The following IFT81 variants were observed in gnomAD, a reference collection of about 807,000 sequenced individuals.
IFT81 encodes the protein intraflagellar transport protein 81 homolog.
A neutral mutation model predicts 102.6 loss-of-function variants in IFT81; 72 were observed. The ratio of observed to expected loss-of-function variants is 0.70; its 90% CI spans 0.58 to 0.85. The LOEUF is 0.85. IFT81 is among the 40% of genes least tolerant of loss of function. IFT81 has a pLI of 0.00. For synonymous variants in IFT81, 237 were observed against 242.7 expected (o/e 0.98, Z 0.22); for missense variants, 723 against 787.3 (o/e 0.92, Z 0.98).
intron 9 of IFT81, among the ~76,000 whole-genome samples, chr12:110,144,628 A>G (rs1326439272): frequency 6.6e-6 from 1 of 151,956 alleles, no homozygotes; most frequent in Non-Finnish European, 1.5e-5. Flanking sequence ...CTCCTGCCTC[A>G]GCCTCCCAAG....
intron 5 of IFT81, 34 bp downstream of exon 5, chr12:110,132,670 G>T (rs1593278319): frequency 1.7e-6 from 2 of 1,145,018 alleles, no homozygotes; most frequent in South Asian, 1.3e-5. Flanking sequence ...CAATTTTTTT[G>T]GGATTTGAAT....
intron 8 of IFT81, among the ~76,000 whole-genome samples, chr12:110,139,866 T>TAAATAAAATAAAATAAAAAATAAAATAAA (rs1477964163): frequency 7.7e-6 from 1 of 130,092 alleles, no homozygotes; most frequent in African/African-American, 3.1e-5. Context: ...TAAAATAAAA[T>TAAATAAAATAAAATAAAAAATAAAATAAA]ATAAAATAAA....
At chr12:110,176,099 A>G (rs562790515) in intron 11 of IFT81, among the ~76,000 whole-genome samples, 1 of 151,882 alleles carries the variant, frequency 6.6e-6, no homozygotes, top group East Asian at 1.9e-4. Context: ...CTGCTAGCCT[A>G]TGTCTCTGTG....
chr12:110,179,773 T>TATATATATACACACAC (rs774113734), intron 11 of IFT81, among the ~76,000 whole-genome samples: 1 of 50,484 alleles, frequency 2.0e-5, no homozygotes, highest in Non-Finnish European at 4.1e-5. Context: ...TATATATATA[T>TATATATATACACACAC]ACACACACAC....
At chr12:110,177,085 GTACATTAGTATGACTTAAATTTT>G (rs1897065211) in intron 11 of IFT81, among the ~76,000 whole-genome samples, 1 of 152,162 alleles carries the variant, frequency 6.6e-6, no homozygotes, top group Non-Finnish European at 1.5e-5. Context: ...TAGACTTCAG[GTACATTAGTATGACTTAAATTTT>G]TAATTTTTAA....
intron 15 of IFT81, chr12:110,205,096 T>G: frequency 6.4e-6 from 1 of 156,618 alleles, no homozygotes; most frequent in Non-Finnish European, 1.4e-5. Context: ...TAGCCAGGCG[T>G]GGTGGCACGT....
At chr12:110,209,820 G>A (rs1869180906) in intron 18 of IFT81, among the ~76,000 whole-genome samples, 2 of 150,920 alleles carry the variant, frequency 1.3e-5, no homozygotes, top group Admixed American at 1.3e-4. Context: ...TGAGATAGGT[G>A]TAAATTTATT....
In IFT81 at chr12:110,205,489, A is replaced by G. The variant is rs775172047; in HGVS notation, c.1691A>G (p.Tyr564Cys). The G allele has an allele frequency of 2.5e-6, 4 of 1,604,090 alleles. No individual in the cohort carries two copies. Among genetic ancestry groups the G allele is most frequent in the South Asian group, 1.1e-5 (1 of 88,614 alleles). ...GAATGTCTTCAAGAAGAAAGTAGAT[A>G]CCATTATACAAATTGTATGATTAAG... ...REECLQEESR[Y>C]HYTNCMIKNL... is the part of the protein sequence containing the mutation. Residue 564 changes from tyrosine to cysteine, a missense_variant, in exon 16 of 19, where the codon TAC (tyrosine) becomes TGC (cysteine). Coordinates refer to ENST00000242591, the MANE Select transcript of IFT81 (RefSeq NM_014055.4).
chr12:110,173,336 A>G (rs1813351895), intron 11 of IFT81, among the ~76,000 whole-genome samples: 1 of 120,836 alleles, frequency 8.3e-6, no homozygotes, highest in African/African-American at 3.3e-5. Context: ...TCCGGGAGGG[A>G]GGTGGGGGGG....
chr12:110,192,618 T>C lies in IFT81; in HGVS notation c.1469T>C (p.Val490Ala), dbSNP rs764881348. 22 of 1,530,270 alleles carry C rather than the reference T, an allele frequency of 1.4e-5. No homozygotes were observed. The highest frequency in any genetic ancestry group is 1.9e-5 in the Non-Finnish European group (22 of 1,129,066). 94.8% of individuals were successfully genotyped at this position (1,530,270 alleles called of 1,614,324 possible). A position where few individuals can be genotyped will look rare whatever the true frequency, so the allele number is the denominator to read the frequency against. Residue 490 changes from valine (V) to alanine (A), a missense_variant and splice_region_variant, in exon 14 of 19, where the codon GTG becomes GCG. Physicochemically the swap from Val to Ala is moderately conservative, Grantham distance 64 (BLOSUM62 0). Transcript: ENST00000242591. ...TTATATTTTTTGTTCAAATAACAGG[T>C]GAAAAAACTGTATTCATTGGTATCT... ...GRTLDDMSEM[V>A]KKLYSLVSEK...
At chr12:110,170,572 A>G (rs1395007055) in intron 11 of IFT81, among the ~76,000 whole-genome samples, 3 of 152,198 alleles carry the variant, frequency 2.0e-5, no homozygotes, top group Non-Finnish European at 4.4e-5. Context: ...AATCAGTCCC[A>G]ATGATATGCA....
chr12:110,208,224 C>T (rs1868937669), intron 17 of IFT81, among the ~76,000 whole-genome samples: 1 of 152,158 alleles, frequency 6.6e-6, no homozygotes, highest in Non-Finnish European at 1.5e-5. Context: ...TAAACTGCTC[C>T]TGGGTGTAGT....
chr12:110,190,375 C>T (rs1374047231), intron 12 of IFT81, among the ~76,000 whole-genome samples: 1 of 152,174 alleles, frequency 6.6e-6, no homozygotes, highest in Non-Finnish European at 1.5e-5. Flanking sequence ...GCTCAGATGT[C>T]ATCTTCTCAG....
chr12:110,215,173 C>G (rs1336126728), intron 18 of IFT81, among the ~76,000 whole-genome samples: 1 of 152,010 alleles, frequency 6.6e-6, no homozygotes, highest in African/African-American at 2.4e-5. Flanking sequence ...TACCAGCATT[C>G]TCATTTGTGT....
Position 110,176,864 on chromosome 12 carries a change from C to T in IFT81, c.1189-3558C>T, listed in dbSNP as rs969474618. ...CATCAAAAACATTTATAGCTTTCAG[C>T]TTTTAAAAATAGTTCTGGAGTACAG... On this transcript the variant is annotated intron_variant, in intron 11 of 18. Coordinates refer to ENST00000242591, the MANE Select transcript of IFT81 (RefSeq NM_014055.4). 3.2e-4 allele frequency among the ~76,000 whole-genome samples: 49 copies of T among 152,320 alleles called. No individual in the cohort carries two copies. The South Asian group carries it at 4.3e-3, about 14-fold the overall frequency.
chr12:110,126,365 T>A (rs952203709), intron 1 of IFT81, among the ~76,000 whole-genome samples: 15 of 151,314 alleles, frequency 9.9e-5, no homozygotes, highest in South Asian at 2.1e-4. Flanking sequence ...AGGACAGGTG[T>A]TGGCACTGCT....
Position 110,127,449 on chromosome 12 carries a change from A to G in IFT81, c.69A>G (p.Leu23=), listed in dbSNP as rs1236784197. The change falls in exon 2 of 19, where the codon TTA becomes TTG. Residue 23 remains leucine (L), a synonymous_variant. Transcript: ENST00000242591. ...AGCCCTTTAGGAAGAACTATAATTT[A>G]ATCACGTTTGATTCCTTGGAGCCAA... ...NKEPFRKNYN[L]ITFDSLEPMQ... 1 of 1,609,376 alleles carries G rather than the reference A, an allele frequency of 6.2e-7. No homozygotes were observed. Among genetic ancestry groups the G allele is most frequent in the Non-Finnish European group, 8.5e-7 (1 of 1,177,874 alleles).
intron 1 of IFT81, among the ~76,000 whole-genome samples, chr12:110,126,956 T>G (rs554787366): frequency 6.6e-6 from 1 of 152,186 alleles, no homozygotes; most frequent in South Asian, 2.1e-4. Flanking sequence ...AATCTCTCAA[T>G]GTTTTTTGGG....
Position 110,212,476 on chromosome 12 carries a change from T to C in IFT81, c.1848+3260T>C, listed in dbSNP as rs1869581046. On this transcript the variant is annotated intron_variant, in intron 18 of 18. Coordinates refer to ENST00000242591, the MANE Select transcript of IFT81 (RefSeq NM_014055.4). ...ATGAGAATCACTTGAACCCAGAGGT[T>C]GCAGTGAGCCAAGGTCACGCCACTG... Among the ~76,000 whole-genome samples, 5 of 151,388 alleles carry C rather than the reference T, an allele frequency of 3.3e-5. No homozygotes were observed. In the South Asian group the frequency reaches 1.0e-3, roughly 32 times the overall value.
Sources: allele counts gnomAD v4.1 joint callset (sites outside exome capture counted in the v4.1 genomes callset), GRCh38; gene constraint gnomAD v4.1.1; transcripts MANE v1.5; gene names NCBI Gene and HGNC (gene_info 2026-07-23, HGNC 2026-07-21).